Variants in SNRK observed in about 807,000 individuals in gnomAD.
SNRK encodes SNF related kinase.
In SNRK, 3 loss-of-function variants were observed where a neutral mutation model predicts 48.2. That is an observed-to-expected ratio of 0.06 (90% CI 0.03 to 0.16). SNRK has a LOEUF of 0.16. Ranked by LOEUF, SNRK falls within the 10% of genes least tolerant of loss-of-function variation. SNRK has a pLI of 1.00. For missense variants in SNRK, 627 were observed against 976.0 expected (o/e 0.64, Z 4.76); for synonymous variants, 376 against 366.1 (o/e 1.03, Z -0.31).
chr3:43,303,159 A>C lies in SNRK; in HGVS notation c.-45A>C. On this transcript the variant is annotated 5_prime_UTR_variant, in exon 3 of 7. Coordinates refer to ENST00000296088, the MANE Select transcript of SNRK (RefSeq NM_017719.5). The surrounding 1 kb of genome is among the most constrained non-coding windows in gnomAD (Gnocchi z 6.2). ...TCACCAGATATTCTTATATGAGAAGATCTATTTTAAACAGTCTAAATATTT... is the reference window on the plus strand; with the variant it reads ...TCACCAGATATTCTTATATGAGAAGCTCTATTTTAAACAGTCTAAATATTT... The C allele has an allele frequency of 7.2e-7, 1 of 1,389,278 alleles. No individual in the cohort carries two copies. Among genetic ancestry groups the C allele is most frequent in the Non-Finnish European group, 1.0e-6 (1 of 1,004,406 alleles). The allele number at this position is 1,389,278 out of a possible 1,614,324, so 86.1% of individuals were successfully genotyped here.
At chr3:43,306,464 A>T (rs1261624645) in intron 3 of SNRK, among the ~76,000 whole-genome samples, 1 of 152,030 alleles carries the variant, frequency 6.6e-6, no homozygotes, top group Non-Finnish European at 1.5e-5. Context: ...TGTCTATTTT[A>T]TTATTATTTT....
At chr3:43,322,832 G>C (rs577607743) in intron 3 of SNRK, among the ~76,000 whole-genome samples, 1 of 150,788 alleles carries the variant, frequency 6.6e-6, no homozygotes, top group South Asian at 2.1e-4. Flanking sequence ...GGTGCCTGTA[G>C]TCCCAGCTAC....
intron 1 of SNRK, among the ~76,000 whole-genome samples, chr3:43,291,074 C>G (rs1478515409): frequency 6.6e-6 from 1 of 152,104 alleles, no homozygotes. Flanking sequence ...GTCCTTTAAG[C>G]TGGGCCCTAG....
At chr3:43,322,492 C>T (rs957649991) in intron 3 of SNRK, among the ~76,000 whole-genome samples, 7 of 152,106 alleles carry the variant, frequency 4.6e-5, no homozygotes, top group African/African-American at 1.2e-4. Flanking sequence ...GGTTACTATT[C>T]TTAAGGTAGA....
intron 3 of SNRK, among the ~76,000 whole-genome samples, chr3:43,315,993 A>G (rs1291244422): frequency 6.6e-6 from 1 of 152,162 alleles, no homozygotes; most frequent in African/African-American, 2.4e-5. Flanking sequence ...TGAAACCACA[A>G]TTAAAAATTG....
At chr3:43,325,464 C>T (rs186209429) in intron 3 of SNRK, among the ~76,000 whole-genome samples, 2 of 152,178 alleles carry the variant, frequency 1.3e-5, no homozygotes, top group Admixed American at 6.5e-5. Flanking sequence ...CGTGCCCGGC[C>T]CAAAAGACTG....
intron 6 of SNRK, among the ~76,000 whole-genome samples, chr3:43,344,548 A>G (rs73831261): frequency 0.025 from 3,813 of 152,272 alleles, 163 homozygotes; most frequent in African/African-American, 0.085. Flanking sequence ...CTTGGGTGGA[A>G]TGGCAGAGTA....
In SNRK at chr3:43,303,428, C is replaced by T. The variant is rs566685254; in HGVS notation, c.225C>T (p.Ile75=). Reference sequence around the variant, plus strand: ...TGAAACTAGTGCAGCATCCTAACATCGTCCGCCTTTATGAAGTTATTGACA... The same window carrying T: ...TGAAACTAGTGCAGCATCCTAACATTGTCCGCCTTTATGAAGTTATTGACA... ...RCMKLVQHPN[I]VRLYEVIDTQ... is the part of the protein sequence containing the mutation. The change falls in exon 3 of 7, where the codon ATC becomes ATT. Residue 75 remains isoleucine (I), a synonymous_variant. Transcript: ENST00000296088. The surrounding 1 kb of genome is among the most constrained non-coding windows in gnomAD (Gnocchi z 6.2). 11 of 1,614,024 alleles carry T rather than the reference C, an allele frequency of 6.8e-6. No individual in the cohort carries two copies. The highest frequency in any genetic ancestry group is 4.4e-5 in the South Asian group (4 of 91,092).
chr3:43,328,178 T>C (rs58636339), intron 3 of SNRK, among the ~76,000 whole-genome samples: 3,781 of 152,016 alleles, frequency 0.025, 162 homozygotes, highest in African/African-American at 0.084. Context: ...TATAATAAGG[T>C]CCCCTGTACA....
At chr3:43,294,188 C>T (rs568093513) in intron 1 of SNRK, among the ~76,000 whole-genome samples, 1 of 152,176 alleles carries the variant, frequency 6.6e-6, no homozygotes, top group African/African-American at 2.4e-5. Context: ...AGACATGAAT[C>T]TAGTAGTAAG....
intron 3 of SNRK, among the ~76,000 whole-genome samples, chr3:43,319,341 C>T (rs2125631033): frequency 6.6e-6 from 1 of 152,146 alleles, no homozygotes; most frequent in South Asian, 2.1e-4. Context: ...AAGTTCTCAG[C>T]CTTTGTAATA....
chr3:43,334,673 A>G (rs1247999720), intron 4 of SNRK, among the ~76,000 whole-genome samples: 3 of 150,874 alleles, frequency 2.0e-5, no homozygotes, highest in African/African-American at 7.3e-5. Context: ...GGCTCACTTC[A>G]GCCTCCACCT....
Position 43,347,791 on chromosome 3 carries a change from G to C in SNRK, c.1532G>C (p.Arg511Thr), listed in dbSNP as rs1471411247. The C allele has an allele frequency of 6.2e-7, 1 of 1,614,198 alleles. No individual in the cohort carries two copies. The highest frequency in any genetic ancestry group is 1.7e-5 in the Admixed American group (1 of 60,020). The change falls in exon 7 of 7, where the codon AGG becomes ACG. Residue 511 changes from arginine to threonine, a missense_variant. Around this residue, in one of 4 missense-constraint regions of SNRK, gnomAD observed 98 missense variants for 175.2 expected, o/e 0.56. Coordinates refer to ENST00000296088, the MANE Select transcript of SNRK (RefSeq NM_017719.5). The surrounding 1 kb of genome is among the most constrained non-coding windows in gnomAD (Gnocchi z 5.4). Reference sequence around the variant, plus strand: ...GAGAATCTGCCTCCCAAGTTGAGCAGGTTAAAGATGAATATAGCTTCTCCA... The same window carrying C: ...GAGAATCTGCCTCCCAAGTTGAGCACGTTAAAGATGAATATAGCTTCTCCA... The part of the protein sequence containing the change: ...MDENLPPKLS[R>T]LKMNIASPGT...
chr3:43,319,064 T>C (rs1057283955), intron 3 of SNRK, among the ~76,000 whole-genome samples: 15 of 151,768 alleles, frequency 9.9e-5, no homozygotes, highest in Non-Finnish European at 1.9e-4. Flanking sequence ...TGTTTGTTTA[T>C]ATGCAGGCTG....
chr3:43,296,451 A>G (rs779392073), intron 1 of SNRK, among the ~76,000 whole-genome samples: 1 of 90,826 alleles, frequency 1.1e-5, no homozygotes, highest in Non-Finnish European at 2.2e-5. Flanking sequence ...TATATATTTA[A>G]GCATTTAATA....
chr3:43,332,013 C>T (rs1172330533), intron 3 of SNRK, among the ~76,000 whole-genome samples, 156 bp from the exon 4 acceptor site: 1 of 152,206 alleles, frequency 6.6e-6, no homozygotes, highest in Non-Finnish European at 1.5e-5. Context: ...AGACACCTTC[C>T]CTGCCCTATT....
intron 3 of SNRK, among the ~76,000 whole-genome samples, chr3:43,313,621 T>C (rs950963516): frequency 1.3e-5 from 2 of 152,192 alleles, no homozygotes; most frequent in Non-Finnish European, 2.9e-5. Flanking sequence ...CTGGCGGTTA[T>C]AGAAATCTCC....
At chr3:43,310,717 T>C (rs1265961369) in intron 3 of SNRK, among the ~76,000 whole-genome samples, 2 of 152,250 alleles carry the variant, frequency 1.3e-5, no homozygotes, top group African/African-American at 4.8e-5. Context: ...TCACAGATAC[T>C]TGTCTGTCAT....
At chr3:43,299,160 G>A (rs112904735) in intron 1 of SNRK, among the ~76,000 whole-genome samples, 67 of 152,192 alleles carry the variant, frequency 4.4e-4, no homozygotes, top group Middle Eastern at 3.4e-3. Context: ...TTTAAAAATG[G>A]CAATTGTACT....
Sources: allele counts gnomAD v4.1 joint callset (sites outside exome capture counted in the v4.1 genomes callset), GRCh38; gene constraint gnomAD v4.1.1; regional missense constraint gnomAD v4.1.1; non-coding constraint Gnocchi (gnomAD v3.1); transcripts MANE v1.5; gene names NCBI Gene and HGNC (gene_info 2026-07-23, HGNC 2026-07-21).